ALOX12B: variants seen among roughly 807,000 people sequenced by gnomAD.
The protein encoded by ALOX12B is arachidonate 12-lipoxygenase, 12R type.
ALOX12B carries 47 observed loss-of-function variants against 78.9 expected under a neutral mutation model. That is an observed-to-expected ratio of 0.60 (90% CI 0.47 to 0.76). ALOX12B has a LOEUF of 0.76. ALOX12B is among the 30% of genes least tolerant of loss of function. The pLI, the probability that ALOX12B is intolerant of heterozygous loss-of-function variation, is 0.00. For missense variants in ALOX12B, 805 were observed against 922.6 expected, an observed-to-expected ratio of 0.87 and a Z score of 1.65; for synonymous variants, 370 against 374.5, an observed-to-expected ratio of 0.99 and a Z score of 0.14.
rs935253408 is a variant in ALOX12B, at chr17:8,087,465, G to A, written c.-23C>T. ...CATGGCTGCTCTTCAGGAGGCAAGA[G>A]GGGCACTCAGTCCCAGACACCGTGG... On this transcript the variant is annotated 5_prime_UTR_variant, in exon 1 of 15. Transcript: ENST00000647874. 7 of 1,613,904 alleles carry A rather than the reference G, an allele frequency of 4.3e-6. No individual in the cohort carries two copies. The highest frequency in any genetic ancestry group is 5.9e-6 in the Non-Finnish European group (7 of 1,180,028).
In ALOX12B at chr17:8,079,331, G is replaced by A. The variant is rs1977155188; in HGVS notation, c.1071+65C>T. 4 of 1,541,074 alleles carry A rather than the reference G, an allele frequency of 2.6e-6. No homozygotes were observed. The highest frequency in any genetic ancestry group is 1.4e-5 in the African/African-American group (1 of 72,782). ...GGTCCACACGCTCACATAAGCGCGC[G>A]CACACTCGGAGGAGCATTCGCGCAC... On this transcript the variant is annotated intron_variant, in intron 8 of 14. Transcript: ENST00000647874. The surrounding 1 kb of genome is among the most constrained non-coding windows in gnomAD (Gnocchi z 6.4).
Position 8,079,975 on chromosome 17 carries a change from C to T in ALOX12B, c.755-34G>A, listed in dbSNP as rs1321484278. On this transcript the variant is annotated intron_variant, in intron 6 of 14. Transcript: ENST00000647874. This position sits in a 1 kb window ranked among gnomAD's most constrained non-coding sequence, Gnocchi z 6.4. ...ACGGCGCGAGGGCGTCACAAGGAGG[C>T]CCGGCCCCCCTCGGGGACGGAGAGG... The T allele has an allele frequency of 1.2e-5, 20 of 1,600,642 alleles. No homozygotes were observed. Among genetic ancestry groups the T allele is most frequent in the Non-Finnish European group, 1.7e-5 (20 of 1,173,856 alleles).
chr17:8,075,476 C>T, intron 12 of ALOX12B, 119 bp downstream of exon 12: 4 of 1,529,352 alleles, frequency 2.6e-6, no homozygotes, highest in Non-Finnish European at 3.6e-6. Context: ...GCAATTTGGT[C>T]TCCTTCAGTC....
chr17:8,079,493 G>T lies in ALOX12B; in HGVS notation c.974C>A (p.Pro325His). The T allele has an allele frequency of 6.4e-7, 1 of 1,551,016 alleles. No individual in the cohort carries two copies. The highest frequency in any genetic ancestry group is 8.7e-7 in the Non-Finnish European group (1 of 1,147,000). ...CTTCCGGCCGCTGAGCTCCACGGTG[G>T]GGATGCCCTCCATGATGCGGTAGTC... ...LADYRIMEGIPTVELSGRKQH... is the reference protein window; with the variant it reads ...LADYRIMEGIHTVELSGRKQH... The change falls in exon 8 of 15, where the codon CCC becomes CAC. Residue 325 changes from proline to histidine, a missense_variant. Physicochemically the swap from Pro to His is moderately conservative, Grantham distance 77 (BLOSUM62 -2). Transcript: ENST00000647874. This position sits in a 1 kb window ranked among gnomAD's most constrained non-coding sequence, Gnocchi z 6.4.
In ALOX12B at chr17:8,080,663, C is replaced by T; in HGVS notation, c.645G>A (p.Gly215=). ...LKTASFFVRL[G]PMALAFKVRG... ...CGTCACTCACACGGACTCACATGGG[C>T]CCCAGGCGGACGAAGAAGGAGGCCG... is the stretch of plus-strand genomic sequence containing the variant. Residue 215 remains glycine, a synonymous_variant, in exon 5 of 15, where the codon GGG becomes GGA. Coordinates refer to ENST00000647874, the MANE Select transcript of ALOX12B (RefSeq NM_001139.3). This position sits in a 1 kb window ranked among gnomAD's most constrained non-coding sequence, Gnocchi z 4.8. 1 of 1,613,974 alleles carries T rather than the reference C, an allele frequency of 6.2e-7. No homozygotes were observed. The highest frequency in any genetic ancestry group is 8.5e-7 in the Non-Finnish European group (1 of 1,179,900).
intron 13 of ALOX12B, 145 bp from the exon 14 acceptor site, chr17:8,073,463 GGTGGGGCTGGGT>G (rs1010716036): frequency 6.8e-6 from 8 of 1,172,040 alleles, no homozygotes; most frequent in African/African-American, 1.5e-5. Flanking sequence ...TTAGACTGGG[GGTGGGGCTGGGT>G]GTGGGGCTGG....
At chr17:8,083,293 G>C (rs1417085873) in intron 2 of ALOX12B, among the ~76,000 whole-genome samples, 1 of 152,078 alleles carries the variant, frequency 6.6e-6, no homozygotes, top group African/African-American at 2.4e-5. Flanking sequence ...AGCACCCCTG[G>C]AATCAACAGT....
At chr17:8,073,592 G>A (rs1977026155) in intron 13 of ALOX12B, 65 bp downstream of exon 13, 4 of 1,448,254 alleles carry the variant, frequency 2.8e-6, no homozygotes, top group Non-Finnish European at 3.9e-6. Flanking sequence ...TTGAGGTTGG[G>A]GCATGGACGA....
chr17:8,073,917 C>T (rs777274258), intron 12 of ALOX12B, among the ~76,000 whole-genome samples, 160 bp from the exon 13 acceptor site: 9 of 152,198 alleles, frequency 5.9e-5, no homozygotes, highest in Non-Finnish European at 1.2e-4. Context: ...ATGGCAGCAA[C>T]CCCATCTCCC....
Position 8,079,258 on chromosome 17 carries a change from C to G in ALOX12B, c.1071+138G>C, listed in dbSNP as rs566785964. 12 of 1,336,780 alleles carry G rather than the reference C, an allele frequency of 9.0e-6. No individual in the cohort carries two copies. Among genetic ancestry groups the G allele is most frequent in the African/African-American group, 3.0e-5 (2 of 67,450 alleles). The allele number at this position is 1,336,780 out of a possible 1,614,324, so 82.8% of individuals were successfully genotyped here. The stretch of plus-strand genomic sequence containing the variant: ...GCAGATTTTGGCATCCCGGGGAGGT[C>G]CTGGAACCAATCTCTCAAGGATAAC... On this transcript the variant is annotated intron_variant, in intron 8 of 14. Coordinates refer to ENST00000647874, the MANE Select transcript of ALOX12B (RefSeq NM_001139.3). This position sits in a 1 kb window ranked among gnomAD's most constrained non-coding sequence, Gnocchi z 6.4.
chr17:8,080,272 A>G lies in ALOX12B; in HGVS notation c.717T>C (p.Ile239=), dbSNP rs764267552. 1.2e-6 allele frequency: 2 copies of G among 1,614,172 alleles called. No homozygotes were observed. Among genetic ancestry groups the G allele is most frequent in the Non-Finnish European group, 1.7e-6 (2 of 1,180,020 alleles). Residue 239 remains isoleucine (I), a synonymous_variant, in exon 6 of 15, where the codon ATT becomes ATC. Transcript: ENST00000647874. The surrounding 1 kb of genome is among the most constrained non-coding windows in gnomAD (Gnocchi z 4.8). ...CKHSWKRLKD[I]RKIFPGKKSV... ...ATTTCTTGCCAGGGAAAATTTTCCT[A>G]ATGTCCTTCAGCCTCTTCCACGAAT...
chr17:8,079,708 C>A lies in ALOX12B; in HGVS notation c.927+61G>T, dbSNP rs1977165732. The A allele has an allele frequency of 3.2e-6, 5 of 1,569,604 alleles. No individual in the cohort carries two copies. Among genetic ancestry groups the A allele is most frequent in the Non-Finnish European group, 4.3e-6 (5 of 1,159,040 alleles). On this transcript the variant is annotated intron_variant, in intron 7 of 14. Transcript: ENST00000647874. The surrounding 1 kb of genome is among the most constrained non-coding windows in gnomAD (Gnocchi z 6.4). ...CGCGGGCGCCGGAGGTGGGGAGAGACGGGGATGCCCGCGAGGGAGGCCGGG... is the reference window on the plus strand; with the variant it reads ...CGCGGGCGCCGGAGGTGGGGAGAGAAGGGGATGCCCGCGAGGGAGGCCGGG...
At chr17:8,074,722 A>G (rs1031454562) in intron 12 of ALOX12B, among the ~76,000 whole-genome samples, 1 of 152,232 alleles carries the variant, frequency 6.6e-6, no homozygotes, top group East Asian at 1.9e-4. Context: ...GCCGTGGCTC[A>G]CGGCCTCAGC....
rs137956208 is a variant in ALOX12B, at chr17:8,081,699, A to G, written c.353-512T>C. 1,115 of 183,266 alleles carry G rather than the reference A, an allele frequency of 6.1e-3. 9 individuals carry two copies. The highest frequency in any genetic ancestry group is 0.024 in the African/African-American group (1,025 of 42,302). 11.4% of individuals were successfully genotyped at this position (183,266 alleles called of 1,614,324 possible). On this transcript the variant is annotated intron_variant, in intron 2 of 14. Transcript: ENST00000647874. ...TTCTTGTCACCCAGCCTGGAATGCAATGGCATGATCTCGGCTCACTGCAAC... is the reference window on the plus strand; with the variant it reads ...TTCTTGTCACCCAGCCTGGAATGCAGTGGCATGATCTCGGCTCACTGCAAC...
rs1221632429 is a variant in ALOX12B, at chr17:8,076,245, G to A, written c.1462C>T (p.Arg488Cys). 6.2e-6 allele frequency: 10 copies of A among 1,614,110 alleles called. No individual in the cohort carries two copies. The highest frequency in any genetic ancestry group is 5.0e-5 in the Admixed American group (3 of 60,018). The change falls in exon 11 of 15, where the codon CGT becomes TGT. Residue 488 changes from arginine (R) to cysteine (C), a missense_variant. Physicochemically the swap from Arg to Cys is radical, Grantham distance 180 (BLOSUM62 -3). Transcript: ENST00000647874. Reference protein sequence around the residue: ...SLYLPNDFVERGVQDLPGYYY... With the variant: ...SLYLPNDFVECGVQDLPGYYY... ...TATCCAGGCAGGTCCTGGACCCCAC[G>A]CTCCACAAAGTCATTGGGGAGGTAG... is the stretch of plus-strand genomic sequence containing the variant.
chr17:8,079,630 G>C lies in ALOX12B; in HGVS notation c.928-91C>G. The C allele has an allele frequency of 6.5e-7, 1 of 1,535,308 alleles. No homozygotes were observed. Among genetic ancestry groups the C allele is most frequent in the East Asian group, 2.5e-5 (1 of 40,624 alleles). ...GGTGCACAGGGCGCTGGCGACTAGGGGCAGGGGTGGGACGGGGACAGGGAC... is the reference window on the plus strand; with the variant it reads ...GGTGCACAGGGCGCTGGCGACTAGGCGCAGGGGTGGGACGGGGACAGGGAC... On this transcript the variant is annotated intron_variant, in intron 7 of 14. Coordinates refer to ENST00000647874, the MANE Select transcript of ALOX12B (RefSeq NM_001139.3). This position sits in a 1 kb window ranked among gnomAD's most constrained non-coding sequence, Gnocchi z 6.4.
chr17:8,076,610 C>T, intron 10 of ALOX12B, 47 bp downstream of exon 10: 1 of 1,528,552 alleles, frequency 6.5e-7, no homozygotes, highest in Non-Finnish European at 8.9e-7. Context: ...ACTGAAAAGG[C>T]CAGAGGAAAA....
chr17:8,074,485 A>G (rs1266891151), intron 12 of ALOX12B, among the ~76,000 whole-genome samples: 2 of 151,234 alleles, frequency 1.3e-5, no homozygotes, highest in Non-Finnish European at 3.0e-5. Flanking sequence ...CTCACCACCA[A>G]ACTCAAACCA....
chr17:8,077,470 G>T (rs2151822189), intron 8 of ALOX12B, among the ~76,000 whole-genome samples: 1 of 152,284 alleles, frequency 6.6e-6, no homozygotes, highest in Non-Finnish European at 1.5e-5. Flanking sequence ...GCCTTCTCTG[G>T]CAAGACTTCC....
Sources: gnomAD v4.1 joint callset for allele counts (sites outside exome capture counted in the v4.1 genomes callset) on GRCh38, gnomAD v4.1.1 for gene constraint, Gnocchi (gnomAD v3.1) non-coding constraint, MANE v1.5 for transcripts, NCBI Gene and HGNC (gene_info 2026-07-23, HGNC 2026-07-21) for gene names.